PATJ: variants seen among roughly 807,000 people sequenced by gnomAD.
PATJ encodes PATJ crumbs cell polarity complex component.
A neutral mutation model predicts 224.9 loss-of-function variants in PATJ; 190 were observed. That is an observed-to-expected ratio of 0.84 (90% confidence interval 0.75 to 0.95). The LOEUF is 0.95. Ranked by LOEUF, PATJ falls within the 40% of genes least tolerant of loss-of-function variation. PATJ has a pLI of 0.00. For missense variants in PATJ, 2,121 were observed against 2,270.3 expected, an observed-to-expected ratio of 0.93 and a Z score of 1.34; for synonymous variants, 769 against 820.3, an observed-to-expected ratio of 0.94 and a Z score of 1.07.
At chr1:62,111,142 A>C (rs74076548) in intron 34 of PATJ, among the ~76,000 whole-genome samples, 4,683 of 152,288 alleles carry the variant, frequency 0.031, 220 homozygotes, top group African/African-American at 0.11. Flanking sequence ...CAATGCTTTT[A>C]ATTAAAAGTA....
Position 62,114,398 on chromosome 1 carries a change from G to C in PATJ, c.4655+152G>C, listed in dbSNP as rs1189187884. ...ATTTGACAACATGGGTCATATTTCTGAGCAAGGTCTTACCAGAAAAATTGT... is the reference window on the plus strand; with the variant it reads ...ATTTGACAACATGGGTCATATTTCTCAGCAAGGTCTTACCAGAAAAATTGT... On this transcript the variant is annotated intron_variant, in intron 35 of 43. Coordinates refer to ENST00000642238, the MANE Select transcript of PATJ (RefSeq NM_001350145.3). The C allele has an allele frequency of 4.2e-6, 3 of 710,710 alleles. No homozygotes were observed. The African/African-American group carries it at 5.4e-5, about 13-fold the overall frequency. The allele number at this position is 710,710 out of a possible 1,614,324, so 44.0% of individuals were successfully genotyped here.
At chr1:61,852,464 A>G (rs186799398) in intron 17 of PATJ, 1 of 152,306 alleles carries the variant, frequency 6.6e-6, no homozygotes, top group African/African-American at 2.4e-5. Context: ...TAGTAGGAAG[A>G]CAGTTAAAAT....
chr1:61,914,918 A>C (rs568486677), intron 26 of PATJ, among the ~76,000 whole-genome samples: 2 of 152,200 alleles, frequency 1.3e-5, no homozygotes, highest in African/African-American at 4.8e-5. Context: ...TTTCCTGTTC[A>C]GACAGGCTGG....
chr1:62,153,951 T>C (rs887726994), intron 43 of PATJ, among the ~76,000 whole-genome samples: 12 of 152,216 alleles, frequency 7.9e-5, no homozygotes, highest in African/African-American at 2.9e-4. Flanking sequence ...TCGCCCAGGC[T>C]GGAGTGCAAT....
rs370488022 is a variant in PATJ, at chr1:61,814,547, T to TGTGTGTGTGC, written c.1683+6018_1683+6019insTGTGTGTGCG. Among the ~76,000 whole-genome samples, 770 of 142,540 alleles carry TGTGTGTGTGC rather than the reference T, an allele frequency of 5.4e-3. 5 individuals carry two copies. Among genetic ancestry groups the TGTGTGTGTGC allele is most frequent in the African/African-American group, 0.015 (574 of 37,178 alleles). 93.5% of individuals were successfully genotyped at this position (142,540 alleles called of 152,430 possible). A position where few individuals can be genotyped will look rare whatever the true frequency, so the allele number is the denominator to read the frequency against. ...GTGTGTGTGTGTGTGTGTGTGTGTG[T>TGTGTGTGTGC]GCGCGCGCGCGCGCATGTATGTGGG... is the stretch of plus-strand genomic sequence containing the variant. On this transcript the variant is annotated intron_variant, in intron 14 of 43. Transcript: ENST00000642238.
rs778254595 is a variant in PATJ at position 61,795,507 on chromosome 1, C to G, written c.1209C>G (p.Gly403=). 1 of 1,609,568 alleles carries G rather than the reference C, an allele frequency of 6.2e-7. No individual in the cohort carries two copies. The highest frequency in any genetic ancestry group is 1.1e-5 in the South Asian group (1 of 90,624). Residue 403 remains glycine (G), a synonymous_variant, in exon 10 of 44, where the codon GGC becomes GGG. Coordinates refer to ENST00000642238, the MANE Select transcript of PATJ (RefSeq NM_001350145.3). ...SGIYVKSIIP[G]SAAYHNGHIQ... ...TTTATGTGAAAAGTATAATACCTGG[C>G]AGTGCTGCGTACCACAATGGCCACA... is the stretch of plus-strand genomic sequence containing the variant.
intron 27 of PATJ, among the ~76,000 whole-genome samples, chr1:61,970,292 C>A (rs915928475): frequency 1.0e-4 from 15 of 148,892 alleles, no homozygotes; most frequent in South Asian, 2.1e-4. Flanking sequence ...CCCAATACCT[C>A]CCCCACCGAC....
chr1:61,808,501 G>A lies in PATJ; in HGVS notation c.1654G>A (p.Asp552Asn). ...MVATLDTQIADDAELQKYSKL... is the reference protein window; with the variant it reads ...MVATLDTQIANDAELQKYSKL... The stretch of plus-strand genomic sequence containing the variant: ...TGCTACTTTGGACACACAGATTGCA[G>A]ATGATGCTGAGTTACAGAAATATTC... The change falls in exon 14 of 44, where the codon GAT (aspartate) becomes AAT (asparagine). Residue 552 changes from aspartate (D) to asparagine (N), a missense_variant. Physicochemically the swap from Asp to Asn is conservative, Grantham distance 23. Transcript: ENST00000642238. 1 of 1,608,582 alleles carries A rather than the reference G, an allele frequency of 6.2e-7. No individual in the cohort carries two copies. Among genetic ancestry groups the A allele is most frequent in the Non-Finnish European group, 8.5e-7 (1 of 1,175,960 alleles).
chr1:61,780,044 C>G (rs187064223), intron 7 of PATJ, among the ~76,000 whole-genome samples: 1 of 152,198 alleles, frequency 6.6e-6, no homozygotes, highest in Non-Finnish European at 1.5e-5. Context: ...CCAAACACCT[C>G]CCACTGGGCC....
chr1:61,967,303 T>C (rs1373676163), intron 27 of PATJ, among the ~76,000 whole-genome samples: 1 of 152,226 alleles, frequency 6.6e-6, no homozygotes, highest in Admixed American at 6.5e-5. Flanking sequence ...TTTTTATTCC[T>C]AAAATCTTGA....
intron 14 of PATJ, among the ~76,000 whole-genome samples, chr1:61,813,386 C>G: frequency 1.8e-5 from 1 of 56,080 alleles, no homozygotes; most frequent in East Asian, 3.8e-4. Flanking sequence ...TATACACACA[C>G]ACACACACAC....
chr1:61,744,638 C>G (rs573586280), intron 1 of PATJ, among the ~76,000 whole-genome samples: 2 of 152,164 alleles, frequency 1.3e-5, no homozygotes, highest in Non-Finnish European at 2.9e-5. Context: ...TTCCTCTGCT[C>G]TCACACCACT....
At chr1:61,928,998 T>C (rs552022265) in intron 27 of PATJ, among the ~76,000 whole-genome samples, 98 of 152,306 alleles carry the variant, frequency 6.4e-4, no homozygotes, top group African/African-American at 2.3e-3. Flanking sequence ...CATTGCTCCT[T>C]TTGTCTTGAT....
At chr1:62,116,786 GTTTT>G in intron 36 of PATJ, 107 bp downstream of exon 36, 6 of 1,024,470 alleles carry the variant, frequency 5.9e-6, no homozygotes, top group Non-Finnish European at 8.3e-6. Flanking sequence ...ACTAACTCTA[GTTTT>G]TACTAGAAAT....
intron 17 of PATJ, among the ~76,000 whole-genome samples, chr1:61,834,041 T>C (rs1031200984): frequency 3.9e-5 from 6 of 152,224 alleles, no homozygotes; most frequent in Admixed American, 6.5e-5. Flanking sequence ...AGGATCTTGA[T>C]GAACTTGTTT....
chr1:61,904,671 C>T (rs1671628933), intron 24 of PATJ, among the ~76,000 whole-genome samples: 1 of 152,176 alleles, frequency 6.6e-6, no homozygotes, highest in Non-Finnish European at 1.5e-5. Flanking sequence ...CACAGTTCCA[C>T]ATTGCTGGGG....
intron 27 of PATJ, among the ~76,000 whole-genome samples, chr1:61,950,347 C>T (rs1679461267): frequency 6.6e-6 from 1 of 152,062 alleles, no homozygotes; most frequent in Admixed American, 6.6e-5. Context: ...TTAATTTGCC[C>T]CAAACCACTA....
chr1:62,066,875 G>A (rs1274529784), intron 31 of PATJ, among the ~76,000 whole-genome samples: 1 of 152,076 alleles, frequency 6.6e-6, no homozygotes, highest in African/African-American at 2.4e-5. Context: ...CACAGTCCTT[G>A]TTTACTGATC....
chr1:61,876,041 G>A (rs1667292096), intron 21 of PATJ, among the ~76,000 whole-genome samples: 2 of 152,082 alleles, frequency 1.3e-5, no homozygotes, highest in African/African-American at 2.4e-5. Context: ...GATTTATGCT[G>A]TCCTTCACTT....
Sources: gnomAD v4.1 joint callset for allele counts (sites outside exome capture counted in the v4.1 genomes callset) on GRCh38, gnomAD v4.1.1 for gene constraint, MANE v1.5 for transcripts, NCBI Gene and HGNC (gene_info 2026-07-23, HGNC 2026-07-21) for gene names.